POLQ: variants seen among roughly 807,000 people sequenced by gnomAD.
POLQ encodes the protein DNA polymerase theta, also known as epididymis secretory sperm binding protein.
In POLQ, 233 loss-of-function variants were observed where a neutral mutation model predicts 259.2. The observed-to-expected ratio is 0.90, with a 90% confidence interval of 0.81 to 1.00. The LOEUF is 1.00. POLQ is among the 50% of genes least tolerant of loss of function. The pLI, the probability that POLQ is intolerant of heterozygous loss-of-function variation, is 0.00. For missense variants in POLQ, 2,871 were observed against 3,051.6 expected (o/e 0.94, Z 1.39); for synonymous variants, 1,025 against 1,048.8 (o/e 0.98, Z 0.44).
At chr3:121,444,129 A>C (rs2047614588) in intron 26 of POLQ, among the ~76,000 whole-genome samples, 1 of 152,048 alleles carries the variant, frequency 6.6e-6, no homozygotes, top group African/African-American at 2.4e-5. Context: ...GTGAAGAGTA[A>C]AGAATGTCAT....
chr3:121,472,177 T>C lies in POLQ; in HGVS notation c.6544-13A>G. The C allele has an allele frequency of 7.5e-7, 1 of 1,335,244 alleles. No homozygotes were observed. Among genetic ancestry groups the C allele is most frequent in the Non-Finnish European group, 1.0e-6 (1 of 976,306 alleles). 82.7% of individuals were successfully genotyped at this position (1,335,244 alleles called of 1,614,324 possible). A position where few individuals can be genotyped will look rare whatever the true frequency, so the allele number is the denominator to read the frequency against. ...TATTTAAAACGTCCTGCCAAAAAAA[T>C]ATAAGGTAAGATTGAATTCTTGTCC... On this transcript the variant is annotated splice_polypyrimidine_tract_variant and intron_variant, in intron 21 of 29. Transcript: ENST00000264233.
intron 7 of POLQ, among the ~76,000 whole-genome samples, chr3:121,522,557 C>T (rs2048345248): frequency 6.7e-6 from 1 of 150,246 alleles, no homozygotes; most frequent in African/African-American, 2.5e-5. Flanking sequence ...ATGATCCACC[C>T]GCCTCGGCCT....
chr3:121,529,589 T>C, intron 7 of POLQ, 56 bp downstream of exon 7: 1 of 1,525,260 alleles, frequency 6.6e-7, no homozygotes, highest in Non-Finnish European at 9.0e-7. Flanking sequence ...ATCACTACCA[T>C]TACTTTCAAG....
In POLQ at chr3:121,457,472, C is replaced by T. The variant is rs866355782; in HGVS notation, c.7152+2578G>A. 9.1e-3 allele frequency among the ~76,000 whole-genome samples: 1,389 copies of T among 152,172 alleles called. 19 individuals are homozygous for T. The highest frequency in any genetic ancestry group is 0.031 in the African/African-American group (1,301 of 41,508). ...AACCTACAGAATGGGAGAAAATTTT[C>T]GCAACCTACTCATCTGACAAAGGGC... is the stretch of plus-strand genomic sequence containing the variant. On this transcript the variant is annotated intron_variant, in intron 25 of 29. Coordinates refer to ENST00000264233, the MANE Select transcript of POLQ (RefSeq NM_199420.4).
chr3:121,511,958 G>C lies in POLQ; in HGVS notation c.1540C>G (p.Pro514Ala), dbSNP rs1576422202. The part of the protein sequence containing the change: ...GIALLQGSLK[P>A]VRSCLQRREG... Reference sequence around the variant, plus strand: ...CGTCTTTGCAGACAGCTGCGAACAGGCTTTAGAGAACCCTGAAGGAGAGCT... The same window carrying C: ...CGTCTTTGCAGACAGCTGCGAACAGCCTTTAGAGAACCCTGAAGGAGAGCT... The change falls in exon 10 of 30, where the codon CCT (proline) becomes GCT (alanine). Residue 514 changes from proline to alanine, a missense_variant. Pro to Ala is a conservative substitution (Grantham distance 27). This residue lies in a region of POLQ where 783 missense variants were observed against 906.2 expected (regional missense o/e 0.86). Coordinates refer to ENST00000264233, the MANE Select transcript of POLQ (RefSeq NM_199420.4). 4 of 1,613,346 alleles carry C rather than the reference G, an allele frequency of 2.5e-6. No homozygotes were observed. Among genetic ancestry groups the C allele is most frequent in the South Asian group, 1.1e-5 (1 of 91,048 alleles).
chr3:121,532,769 G>A (rs2048420718), intron 6 of POLQ, among the ~76,000 whole-genome samples: 1 of 152,138 alleles, frequency 6.6e-6, no homozygotes, highest in African/African-American at 2.4e-5. Context: ...TTGACCTCAA[G>A]TGATCCACCC....
chr3:121,518,064 A>T (rs977644369), intron 9 of POLQ, among the ~76,000 whole-genome samples: 2 of 152,236 alleles, frequency 1.3e-5, no homozygotes, highest in Admixed American at 1.3e-4. Context: ...AGGAAAACAG[A>T]TGATTAGGTT....
chr3:121,509,452 G>A lies in POLQ; in HGVS notation c.1959+109C>T, dbSNP rs1173354253. 3.5e-6 allele frequency: 3 copies of A among 860,870 alleles called. No homozygotes were observed. The African/African-American group carries it at 5.1e-5, about 15-fold the overall frequency. The allele number at this position is 860,870 out of a possible 1,614,324, so 53.3% of individuals were successfully genotyped here. On this transcript the variant is annotated intron_variant, in intron 12 of 29. Transcript: ENST00000264233. ...TCTATTCCCACCAGTACTAACCTAG[G>A]CATGGAAAACAGACGAGATGTTCTG...
chr3:121,496,926 G>A lies in POLQ; in HGVS notation c.2160C>T (p.Phe720=), dbSNP rs754064502. 1.2e-6 allele frequency: 2 copies of A among 1,611,560 alleles called. No individual in the cohort carries two copies. The highest frequency in any genetic ancestry group is 2.7e-5 in the African/African-American group (2 of 74,788). The change falls in exon 14 of 30, where the codon TTC becomes TTT. Residue 720 remains phenylalanine (F), a synonymous_variant. Coordinates refer to ENST00000264233, the MANE Select transcript of POLQ (RefSeq NM_199420.4). Reference sequence around the variant, plus strand: ...TTAAATCTAATAGCACAAGACTGGTGAAAAACCTGGGAATAAATCATCAAA... The same window carrying A: ...TTAAATCTAATAGCACAAGACTGGTAAAAAACCTGGGAATAAATCATCAAA... ...HRQMAIHKRF[F]TSLVLLDLIS...
chr3:121,453,557 A>G (rs1444944391), intron 25 of POLQ, among the ~76,000 whole-genome samples: 4 of 152,254 alleles, frequency 2.6e-5, no homozygotes, highest in Admixed American at 6.5e-5. Context: ...GAGCTGATGG[A>G]GCTGAAAGCC....
Position 121,436,229 on chromosome 3 carries a change from T to C in POLQ, c.7436A>G (p.Asp2479Gly), listed in dbSNP as rs377399132. 14 of 1,613,750 alleles carry C rather than the reference T, an allele frequency of 8.7e-6. No individual in the cohort carries two copies. The highest frequency in any genetic ancestry group is 1.1e-5 in the Non-Finnish European group (13 of 1,179,780). The change falls in exon 28 of 30, where the codon GAT (aspartate) becomes GGT (glycine). Residue 2479 changes from aspartate to glycine, a missense_variant. Asp to Gly is a moderately conservative substitution (Grantham distance 94). Around this residue, in one of 3 missense-constraint regions of POLQ, gnomAD observed 2,080 missense variants for 2,126.0 expected, o/e 0.98. Transcript: ENST00000264233. ...GTTAACTGTGGCTATTTTGACAATATCAGCTGCTGATCCTTGGACTATTGT... is the reference window on the plus strand; with the variant it reads ...GTTAACTGTGGCTATTTTGACAATACCAGCTGCTGATCCTTGGACTATTGT... ...INTIVQGSAADIVKIATVNIQ... is the reference protein window; with the variant it reads ...INTIVQGSAAGIVKIATVNIQ...
intron 28 of POLQ, among the ~76,000 whole-genome samples, chr3:121,434,081 C>T (rs986181401): frequency 1.3e-5 from 2 of 152,256 alleles, no homozygotes; most frequent in African/African-American, 4.8e-5. Flanking sequence ...TTGGCTCACA[C>T]CATTGACTGT....
chr3:121,456,123 G>GA (rs1000884250), intron 25 of POLQ, among the ~76,000 whole-genome samples: 5 of 151,732 alleles, frequency 3.3e-5, no homozygotes, highest in East Asian at 1.9e-4. Flanking sequence ...CAGAAACAGA[G>GA]AAAAAAAACA....
At chr3:121,456,057 G>A (rs532051424) in intron 25 of POLQ, among the ~76,000 whole-genome samples, 2,121 of 152,240 alleles carry the variant, frequency 0.014, 51 homozygotes, top group African/African-American at 0.048. Context: ...CTTCATCCCT[G>A]GGATGCAAGG....
At chr3:121,519,116 A>G (rs2048318584) in intron 9 of POLQ, among the ~76,000 whole-genome samples, 1 of 152,024 alleles carries the variant, frequency 6.6e-6, no homozygotes, top group Non-Finnish European at 1.5e-5. Context: ...TCAAGTTCCT[A>G]TTCCCAAAGT....
At chr3:121,500,920 A>T (rs2048162068) in intron 12 of POLQ, among the ~76,000 whole-genome samples, 1 of 152,218 alleles carries the variant, frequency 6.6e-6, no homozygotes, top group Admixed American at 6.5e-5. Context: ...ATGCAGTGAG[A>T]TGACATATTC....
At chr3:121,475,129 A>T (rs1193746839) in intron 20 of POLQ, among the ~76,000 whole-genome samples, 1 of 152,100 alleles carries the variant, frequency 6.6e-6, no homozygotes, top group African/African-American at 2.4e-5. Flanking sequence ...TTTATCTGAA[A>T]CTTTGTACCC....
chr3:121,507,113 T>C (rs935296569), intron 12 of POLQ, among the ~76,000 whole-genome samples: 9 of 152,160 alleles, frequency 5.9e-5, no homozygotes, highest in African/African-American at 1.9e-4. Context: ...CAGTCATCTA[T>C]GAAAGGTAGG....
chr3:121,479,449 T>C (rs2047954077), intron 19 of POLQ, among the ~76,000 whole-genome samples: 1 of 151,948 alleles, frequency 6.6e-6, no homozygotes. Context: ...TATAGCTATA[T>C]ATATATATTT....
Sources: gnomAD v4.1 joint callset for allele counts (sites outside exome capture counted in the v4.1 genomes callset) on GRCh38, gnomAD v4.1.1 for gene constraint, gnomAD v4.1.1 regional missense constraint, MANE v1.5 for transcripts, NCBI Gene and HGNC (gene_info 2026-07-23, HGNC 2026-07-21) for gene names.